The following TIAM1 variants were observed in gnomAD, a reference collection of about 807,000 sequenced individuals.
The protein encoded by TIAM1 is TIAM Rac1 associated GEF 1.
In TIAM1, 65 loss-of-function variants were observed where a neutral mutation model predicts 163.5. That is an observed-to-expected ratio of 0.40 (90% CI 0.33 to 0.49). The LOEUF is 0.49. TIAM1 is among the 20% of genes least tolerant of loss of function. The probability of loss-of-function intolerance (pLI) is 0.77; values close to 1 mark genes in which losing one functional copy is unlikely to be tolerated. For synonymous variants in TIAM1, 833 were observed against 810.1 expected (o/e 1.03, Z -0.48); for missense variants, 1,789 against 2,044.7 (o/e 0.87, Z 2.41).
Position 31,382,701 on chromosome 21 carries a change from G to A in TIAM1, c.-368-43279C>T, listed in dbSNP as rs1184757693. 2.6e-5 allele frequency among the ~76,000 whole-genome samples: 4 copies of A among 151,910 alleles called. No individual in the cohort carries two copies. The East Asian group carries it at 7.7e-4, about 29-fold the overall frequency. On this transcript the variant is annotated intron_variant, in intron 2 of 28. Coordinates refer to the TIAM1 transcript ENST00000286827. Reference sequence around the variant, plus strand: ...GATTTTTTTAACATGTCAGTCAATTGGTGATATTTTAAATGAGATCACAAA... The same window carrying A: ...GATTTTTTTAACATGTCAGTCAATTAGTGATATTTTAAATGAGATCACAAA...
chr21:31,167,606 A>G (rs1005524361), intron 15 of TIAM1, among the ~76,000 whole-genome samples: 4 of 152,172 alleles, frequency 2.6e-5, no homozygotes, highest in African/African-American at 9.7e-5. Flanking sequence ...ATCAATCCCC[A>G]AGCCCTAAAA....
intron 6 of TIAM1, among the ~76,000 whole-genome samples, chr21:31,230,042 C>T (rs1042152903): frequency 1.3e-5 from 2 of 152,240 alleles, no homozygotes; most frequent in Non-Finnish European, 2.9e-5. Context: ...GCTATGGTTC[C>T]TGCACAAACA....
chr21:31,139,640 A>C lies in TIAM1; in HGVS notation c.3774+1478T>G, dbSNP rs564874596. On this transcript the variant is annotated intron_variant, in intron 22 of 27. Transcript: ENST00000541036. Reference sequence around the variant, plus strand: ...TTTTTTTCTTCTTATAAAGTTTTATAAGAAAGTGAGAGCTAAGTCCAGGGT... The same window carrying C: ...TTTTTTTCTTCTTATAAAGTTTTATCAGAAAGTGAGAGCTAAGTCCAGGGT... Among the ~76,000 whole-genome samples the C allele has an allele frequency of 1.1e-4, 16 of 152,278 alleles. No individual in the cohort carries two copies. In the South Asian group the frequency reaches 3.1e-3, roughly 30 times the overall value.
upstream of TIAM1, among the ~76,000 whole-genome samples, chr21:31,347,519 C>T (rs114460139): frequency 6.6e-6 from 1 of 152,118 alleles, no homozygotes; most frequent in Non-Finnish European, 1.5e-5. Context: ...TTAAGTCATG[C>T]GAATTTCGGA....
intron 4 of TIAM1, among the ~76,000 whole-genome samples, chr21:31,256,809 C>T (rs1357630771): frequency 6.6e-6 from 1 of 152,124 alleles, no homozygotes; most frequent in African/African-American, 2.4e-5. Flanking sequence ...CTGTATAAGA[C>T]ACTGTGAGAT....
intron 1 of TIAM1, among the ~76,000 whole-genome samples, chr21:31,543,202 T>A (rs997269034): frequency 2.0e-5 from 3 of 152,186 alleles, no homozygotes; most frequent in African/African-American, 7.2e-5. Context: ...AGAGAAACTT[T>A]CTTCTCCAAT....
At chr21:31,341,051 C>T (rs188381326) in intron 1 of TIAM1, among the ~76,000 whole-genome samples, 7 of 152,160 alleles carry the variant, frequency 4.6e-5, no homozygotes, top group Non-Finnish European at 7.4e-5. Context: ...CTTCCTTCAC[C>T]TTCCATTGAG....
chr21:31,391,766 A>G (rs1477131765), intron 2 of TIAM1, among the ~76,000 whole-genome samples: 1 of 152,228 alleles, frequency 6.6e-6, no homozygotes, highest in East Asian at 1.9e-4. Flanking sequence ...TCTTGCCCGC[A>G]GGCCTGCTTC....
intron 2 of TIAM1, among the ~76,000 whole-genome samples, chr21:31,410,099 G>C (rs1488402456): frequency 1.1e-5 from 1 of 93,796 alleles, no homozygotes; most frequent in Non-Finnish European, 1.9e-5. Flanking sequence ...GTGTGTGTGT[G>C]TGTGAGGTTG....
intron 12 of TIAM1, among the ~76,000 whole-genome samples, chr21:31,200,742 G>A (rs181413181): frequency 1.3e-5 from 2 of 152,082 alleles, no homozygotes; most frequent in South Asian, 2.1e-4. Context: ...TCTATTTTAC[G>A]CGATTGAAAA....
At chr21:31,261,239 A>G (rs903805883) in intron 4 of TIAM1, among the ~76,000 whole-genome samples, 7 of 149,970 alleles carry the variant, frequency 4.7e-5, no homozygotes, top group Admixed American at 4.0e-4. Flanking sequence ...GTGGGCAGTA[A>G]TAATTTTCTT....
At chr21:31,365,861 G>A (rs1228243734) in intron 2 of TIAM1, among the ~76,000 whole-genome samples, 1 of 151,764 alleles carries the variant, frequency 6.6e-6, no homozygotes, top group African/African-American at 2.4e-5. Flanking sequence ...CCGGCACTTT[G>A]GAAGGCTCAG....
At chr21:31,237,066 C>A (rs909898224) in intron 6 of TIAM1, among the ~76,000 whole-genome samples, 1 of 152,144 alleles carries the variant, frequency 6.6e-6, no homozygotes, top group Admixed American at 6.5e-5. Flanking sequence ...TGATGAAGAA[C>A]TTTCTAGGAC....
intron 1 of TIAM1, among the ~76,000 whole-genome samples, chr21:31,522,975 T>C (rs2047656443): frequency 6.6e-6 from 1 of 152,252 alleles, no homozygotes; most frequent in African/African-American, 2.4e-5. Flanking sequence ...CGACCAGCTA[T>C]AAAATAAATT....
Position 31,528,987 on chromosome 21 carries a change from T to G in TIAM1, c.-422+29940A>C, listed in dbSNP as rs572694929. On this transcript the variant is annotated intron_variant, in intron 1 of 28. Coordinates refer to the TIAM1 transcript ENST00000286827. Reference sequence around the variant, plus strand: ...CCCAGGCTGGAGTGCAGTGGCGCGATCTCAGCTCACTACAAGCTCCGCCTC... The same window carrying G: ...CCCAGGCTGGAGTGCAGTGGCGCGAGCTCAGCTCACTACAAGCTCCGCCTC... Among the ~76,000 whole-genome samples the G allele has an allele frequency of 3.3e-3, 489 of 149,030 alleles. 5 individuals carry two copies. Among genetic ancestry groups the G allele is most frequent in the African/African-American group, 0.011 (458 of 40,648 alleles).
intron 15 of TIAM1, among the ~76,000 whole-genome samples, chr21:31,178,882 G>C (rs1176929216): frequency 6.6e-6 from 1 of 151,660 alleles, no homozygotes; most frequent in Non-Finnish European, 1.5e-5. Flanking sequence ...CTCCCTAGTA[G>C]CTGGGATTAC....
chr21:31,482,685 G>A (rs1022325254), intron 1 of TIAM1, among the ~76,000 whole-genome samples: 1 of 152,180 alleles, frequency 6.6e-6, no homozygotes, highest in Non-Finnish European at 1.5e-5. Flanking sequence ...TATGCAAGCT[G>A]ACGCTCAGGA....
chr21:31,191,382 T>C (rs1185840080), intron 13 of TIAM1, among the ~76,000 whole-genome samples: 1 of 152,118 alleles, frequency 6.6e-6, no homozygotes, highest in Non-Finnish European at 1.5e-5. Flanking sequence ...TCTCAATCTC[T>C]TGACCTCATG....
intron 1 of TIAM1, among the ~76,000 whole-genome samples, chr21:31,498,567 A>C (rs1293943584): frequency 1.3e-5 from 2 of 152,220 alleles, no homozygotes; most frequent in East Asian, 3.8e-4. Context: ...TGTTTGTACC[A>C]CATGAACTGT....
Sources: gnomAD v4.1 joint callset for allele counts (sites outside exome capture counted in the v4.1 genomes callset) on GRCh38, gnomAD v4.1.1 for gene constraint, MANE v1.5 for transcripts, NCBI Gene and HGNC (gene_info 2026-07-23, HGNC 2026-07-21) for gene names.